CYP17A1: variants seen among roughly 807,000 people sequenced by gnomAD.
CYP17A1 encodes steroid 17-alpha-hydroxylase/17,20 lyase.
Under a neutral mutation model 38.5 loss-of-function variants are expected in CYP17A1, and 27 were observed. That is an observed-to-expected ratio of 0.70 (90% CI 0.52 to 0.97). CYP17A1 has a LOEUF of 0.97. CYP17A1 is among the 50% of genes least tolerant of loss of function. CYP17A1 has a pLI of 0.00. For missense variants in CYP17A1, 549 were observed against 645.9 expected, an observed-to-expected ratio of 0.85 and a Z score of 1.63; for synonymous variants, 263 against 253.3, an observed-to-expected ratio of 1.04 and a Z score of -0.36.
chr10:102,837,299 C>G lies in CYP17A1; in HGVS notation c.63G>C (p.Arg21Ser). 2.5e-6 allele frequency: 4 copies of G among 1,610,504 alleles called. No individual in the cohort carries two copies. The highest frequency in any genetic ancestry group is 3.4e-6 in the Non-Finnish European group (4 of 1,176,700). The stretch of plus-strand genomic sequence containing the variant: ...TCTTGGGGTACTTGGCACCAGGGCA[C>G]CTTCTCTTGGGCCAAAACAAATAAG... ...TLAYLFWPKR[R>S]CPGAKYPKSL... Residue 21 changes from arginine to serine, a missense_variant, in exon 1 of 8, where the codon AGG (arginine) becomes AGC (serine). By Grantham distance (110) the Arg-to-Ser change is moderately radical (BLOSUM62 -1). Transcript: ENST00000369887.
At chr10:102,832,199 G>A (rs1276151700) in intron 6 of CYP17A1, among the ~76,000 whole-genome samples, 1 of 152,070 alleles carries the variant, frequency 6.6e-6, no homozygotes, top group African/African-American at 2.4e-5. Context: ...TCAGCCTCCT[G>A]AGTAGCTGGG....
chr10:102,836,835 TC>T, intron 1 of CYP17A1: 1 of 577,668 alleles, frequency 1.7e-6, no homozygotes, highest in Non-Finnish European at 3.1e-6. Context: ...GGTCCTCCCA[TC>T]CCACCTCCTG....
rs960525981 is a variant in CYP17A1 at position 102,833,396 on chromosome 10, G to T, written c.754-188C>A. Reference sequence around the variant, plus strand: ...GGGCCCTCTTTAAATTTGGTGGAGAGGTTAGGTCTCTTCTAGGATCCTCTT... The same window carrying T: ...GGGCCCTCTTTAAATTTGGTGGAGATGTTAGGTCTCTTCTAGGATCCTCTT... On this transcript the variant is annotated intron_variant, in intron 4 of 7. Transcript: ENST00000369887. 2.2e-5 allele frequency: 24 copies of T among 1,105,994 alleles called. No individual in the cohort carries two copies. The East Asian group carries it at 4.6e-4, about 21-fold the overall frequency. 68.5% of individuals were successfully genotyped at this position (1,105,994 alleles called of 1,614,324 possible).
chr10:102,837,104 A>T lies in CYP17A1; in HGVS notation c.258T>A (p.Leu86=), dbSNP rs553716444. The change falls in exon 1 of 8, where the codon CTT becomes CTA. Residue 86 remains leucine, a synonymous_variant. Coordinates refer to ENST00000369887, the MANE Select transcript of CYP17A1 (RefSeq NM_000102.4). ...VGHHQLAKEV[L]IKKGKDFSGR... is the part of the protein sequence containing the mutation. ...CAGAGAAGTCCTTGCCCTTCTTAAT[A>T]AGCACCTCCTTGGCCAGCTGGTGGT... 7 of 1,608,792 alleles carry T rather than the reference A, an allele frequency of 4.4e-6. No individual in the cohort carries two copies. In the South Asian group the frequency reaches 7.7e-5, roughly 18 times the overall value.
intron 4 of CYP17A1, chr10:102,833,448 C>G: frequency 1.7e-6 from 1 of 601,774 alleles, no homozygotes; most frequent in Non-Finnish European, 2.7e-6. Flanking sequence ...GATCCCAACT[C>G]CTTGAGTCAG....
rs1590204152 is a variant in CYP17A1 at position 102,835,399 on chromosome 10, A to G, written c.298-7T>C. The G allele has an allele frequency of 6.2e-7, 1 of 1,610,156 alleles. No individual in the cohort carries two copies. Among genetic ancestry groups the G allele is most frequent in the South Asian group, 1.1e-5 (1 of 91,004 alleles). On this transcript the variant is annotated splice_polypyrimidine_tract_variant and splice_region_variant and intron_variant, in intron 1 of 7. Transcript: ENST00000369887. Reference sequence around the variant, plus strand: ...ACGCGATGTCTAGAGTTGCCTTTAGAGAGCAGGCAAGGCTGTAGGAATCTC... The same window carrying G: ...ACGCGATGTCTAGAGTTGCCTTTAGGGAGCAGGCAAGGCTGTAGGAATCTC...
rs1844174783 is a variant in CYP17A1, at chr10:102,837,200, G to T, written c.162C>A (p.Phe54Leu). The T allele has an allele frequency of 1.9e-6, 3 of 1,608,008 alleles. No homozygotes were observed. In the African/African-American group the frequency reaches 4.0e-5, roughly 21 times the overall value. The change falls in exon 1 of 8, where the codon TTC (phenylalanine) becomes TTA (leucine). Residue 54 changes from phenylalanine (F) to leucine (L), a missense_variant. Transcript: ENST00000369887. ...PRHGHMHNNFFKLQKKYGPIY... is the reference protein window; with the variant it reads ...PRHGHMHNNFLKLQKKYGPIY... ...TGGGGCCATATTTTTTCTGCAGCTT[G>T]AAGAAGTTGTTATGCATATGGCCGT...
intron 6 of CYP17A1, 159 bp from the exon 7 acceptor site, chr10:102,831,770 A>G: frequency 1.5e-6 from 2 of 1,345,042 alleles, no homozygotes; most frequent in Non-Finnish European, 2.0e-6. Context: ...ATCAAACCTA[A>G]ATCCAGCCCT....
Position 102,833,309 on chromosome 10 carries a change from C to T in CYP17A1, c.754-101G>A. 6 of 1,596,228 alleles carry T rather than the reference C, an allele frequency of 3.8e-6. 1 individual carries two copies. The highest frequency in any genetic ancestry group is 1.3e-5 in the African/African-American group (1 of 74,816). On this transcript the variant is annotated intron_variant, in intron 4 of 7. Coordinates refer to ENST00000369887, the MANE Select transcript of CYP17A1 (RefSeq NM_000102.4). ...TGACTAGAGATAACAAGGCTCCTTC[C>T]ACTTGGAAGTAGAGCAAGTCTGGGC...
chr10:102,833,142 C>T lies in CYP17A1; in HGVS notation c.820G>A (p.Asp274Asn). Residue 274 changes from aspartate (D) to asparagine (N), a missense_variant, in exon 5 of 8, where the codon GAT becomes AAT. Physicochemically the swap from Asp to Asn is conservative, Grantham distance 23 (BLOSUM62 1). Coordinates refer to ENST00000369887, the MANE Select transcript of CYP17A1 (RefSeq NM_000102.4). ...TGATCTGGGCCAGCATTGCCATTATCTGAGTTCATCTTGGCTTGCATCAGT... is the reference window on the plus strand; with the variant it reads ...TGATCTGGGCCAGCATTGCCATTATTTGAGTTCATCTTGGCTTGCATCAGT... Reference protein sequence around the residue: ...DTLMQAKMNSDNGNAGPDQDS... With the variant: ...DTLMQAKMNSNNGNAGPDQDS... The T allele has an allele frequency of 6.2e-7, 1 of 1,614,180 alleles. No individual in the cohort carries two copies. The highest frequency in any genetic ancestry group is 1.1e-5 in the South Asian group (1 of 91,088).
rs201956379 is a variant in CYP17A1, at chr10:102,834,023, C to T, written c.753+13G>A. 74 of 980,118 alleles carry T rather than the reference C, an allele frequency of 7.6e-5. No homozygotes were observed. In the African/African-American group the frequency reaches 1.0e-3, roughly 14 times the overall value. 60.7% of individuals were successfully genotyped at this position (980,118 alleles called of 1,614,324 possible). A position where few individuals can be genotyped will look rare whatever the true frequency, so the allele number is the denominator to read the frequency against. On this transcript the variant is annotated intron_variant, in intron 4 of 7. Coordinates refer to ENST00000369887, the MANE Select transcript of CYP17A1 (RefSeq NM_000102.4). Reference sequence around the variant, plus strand: ...TTAGCCTAACTCATATTCTCTTCTGCTCTATCACCTACCTTGTAATTTTCA... The same window carrying T: ...TTAGCCTAACTCATATTCTCTTCTGTTCTATCACCTACCTTGTAATTTTCA...
At chr10:102,832,266 G>A (rs1844100687) in intron 6 of CYP17A1, among the ~76,000 whole-genome samples, 1 of 152,008 alleles carries the variant, frequency 6.6e-6, no homozygotes, top group Non-Finnish European at 1.5e-5. Flanking sequence ...TAGAGACGGG[G>A]TTTCACCATA....
intron 5 of CYP17A1, 100 bp from the exon 6 acceptor site, chr10:102,832,780 C>T (rs1263939604): frequency 2.4e-6 from 3 of 1,256,786 alleles, no homozygotes; most frequent in Non-Finnish European, 3.5e-6. Flanking sequence ...AGAGCCTGTC[C>T]AGTCCCTTCC....
chr10:102,835,109 G>T, intron 2 of CYP17A1, 95 bp from the exon 3 acceptor site: 1 of 1,082,748 alleles, frequency 9.2e-7, no homozygotes, highest in Non-Finnish European at 1.4e-6. Flanking sequence ...GGGACAGATA[G>T]CAGATGGCCA....
At chr10:102,831,028 G>A in intron 7 of CYP17A1, 43 bp from the exon 8 acceptor site, 7 of 1,358,518 alleles carry the variant, frequency 5.2e-6, no homozygotes, top group Non-Finnish European at 6.2e-6. Context: ...AGGGCAGGAG[G>A]GAGGAGAGGC....
At position 102,830,866 on chromosome 10, in the gene CYP17A1, T is replaced by A. The variant is rs138630127; in HGVS notation, c.1363A>T (p.Ile455Phe). 2.5e-6 allele frequency: 4 copies of A among 1,592,372 alleles called. No homozygotes were observed. The highest frequency in any genetic ancestry group is 3.5e-5 in the Admixed American group (2 of 57,962). ...AACCTCTGCAGCAGCCAGGCCATGATGAGGAAGAGCTCCTGGCGGGCCAGG... is the reference window on the plus strand; with the variant it reads ...AACCTCTGCAGCAGCCAGGCCATGAAGAGGAAGAGCTCCTGGCGGGCCAGG... ...EILARQELFL[I>F]MAWLLQRFDL... The change falls in exon 8 of 8, where the codon ATC (isoleucine) becomes TTC (phenylalanine). Residue 455 changes from isoleucine (I) to phenylalanine (F), a missense_variant. Ile to Phe is a conservative substitution (Grantham distance 21). Coordinates refer to ENST00000369887, the MANE Select transcript of CYP17A1 (RefSeq NM_000102.4). This position sits in a 1 kb window ranked among gnomAD's most constrained non-coding sequence, Gnocchi z 4.1.
intron 3 of CYP17A1, chr10:102,834,338 ACCTCT>A: frequency 3.4e-6 from 2 of 587,926 alleles, no homozygotes; most frequent in Non-Finnish European, 6.3e-6. Flanking sequence ...CGTGGTCTCC[ACCTCT>A]CCTTCCCCAT....
Position 102,830,824 on chromosome 10 carries a change from CT to C in CYP17A1, c.1404del (p.Asp469MetfsTer17). ...WLLQRFDLEV[P>X]DDGQLPSLEG... ...TCCAGGGAGGGCAGCTGCCCATCAT[CT>C]GGCACCTCCAGGTCGAACCTCTGCA... On this transcript the variant is annotated frameshift_variant, in exon 8 of 8. Coordinates refer to ENST00000369887, the MANE Select transcript of CYP17A1 (RefSeq NM_000102.4). LOFTEE classifies it high-confidence loss of function. This position sits in a 1 kb window ranked among gnomAD's most constrained non-coding sequence, Gnocchi z 4.1. 2 of 1,595,756 alleles carry C rather than the reference CT, an allele frequency of 1.3e-6. No homozygotes were observed. Among genetic ancestry groups the C allele is most frequent in the Non-Finnish European group, 1.7e-6 (2 of 1,168,048 alleles).
chr10:102,834,666 G>T, intron 3 of CYP17A1, 119 bp downstream of exon 3: 2 of 1,412,862 alleles, frequency 1.4e-6, no homozygotes, highest in Non-Finnish European at 2.0e-6. Flanking sequence ...TAGAGGTGGC[G>T]GAGGTAATCA....
Sources: allele counts gnomAD v4.1 joint callset (sites outside exome capture counted in the v4.1 genomes callset), GRCh38; gene constraint gnomAD v4.1.1; non-coding constraint Gnocchi (gnomAD v3.1); transcripts MANE v1.5; gene names NCBI Gene and HGNC (gene_info 2026-07-23, HGNC 2026-07-21).